The following ABCB1 variants were observed in gnomAD, a reference collection of about 807,000 sequenced individuals.
The protein encoded by ABCB1 is ATP-dependent translocase ABCB1.
In ABCB1, 69 loss-of-function variants were observed where a neutral mutation model predicts 142.0. The observed-to-expected ratio is 0.49, with a 90% CI of 0.40 to 0.59. ABCB1 has a LOEUF of 0.59. ABCB1 is among the 20% of genes least tolerant of loss of function. The pLI, the probability that ABCB1 is intolerant of heterozygous loss-of-function variation, is 0.00. For synonymous variants in ABCB1, 532 were observed against 539.2 expected, an observed-to-expected ratio of 0.99 and a Z score of 0.18; for missense variants, 1,326 against 1,554.7, an observed-to-expected ratio of 0.85 and a Z score of 2.47.
At chr7:87,660,871 C>T (rs1050816147) in intron 1 of ABCB1, among the ~76,000 whole-genome samples, 2 of 151,416 alleles carry the variant, frequency 1.3e-5, no homozygotes, top group African/African-American at 2.4e-5. Context: ...GAGATTTTAC[C>T]TTTTCATATT....
chr7:87,661,910 A>C (rs538568854), intron 1 of ABCB1, among the ~76,000 whole-genome samples: 15 of 152,044 alleles, frequency 9.9e-5, no homozygotes, highest in Admixed American at 9.8e-4. Context: ...CCTCACCAGT[A>C]TTCATTATTG....
chr7:87,708,962 C>T (rs1237379166), intron 1 of ABCB1, among the ~76,000 whole-genome samples: 3 of 152,112 alleles, frequency 2.0e-5, no homozygotes, highest in African/African-American at 4.8e-5. Context: ...ATGGATCACC[C>T]TTATCAACTG....
intron 1 of ABCB1, among the ~76,000 whole-genome samples, chr7:87,608,660 T>G (rs1038995375): frequency 2.4e-4 from 37 of 152,188 alleles, no homozygotes; most frequent in African/African-American, 8.2e-4. Flanking sequence ...ACCATTTCCC[T>G]TTTAGTTTTT....
At chr7:87,675,503 A>T (rs1242110635) in intron 1 of ABCB1, among the ~76,000 whole-genome samples, 1 of 152,116 alleles carries the variant, frequency 6.6e-6, no homozygotes, top group Non-Finnish European at 1.5e-5. Context: ...ACAAAAACAG[A>T]TACATAGACC....
intron 1 of ABCB1, among the ~76,000 whole-genome samples, chr7:87,682,508 T>C (rs568054465): frequency 6.6e-6 from 1 of 152,304 alleles, no homozygotes; most frequent in Admixed American, 6.5e-5. Flanking sequence ...GGGCTACAGA[T>C]TGGATGTTGT....
intron 1 of ABCB1, among the ~76,000 whole-genome samples, chr7:87,699,062 C>T (rs1347911636): frequency 6.6e-6 from 1 of 152,066 alleles, no homozygotes; most frequent in Admixed American, 6.6e-5. Context: ...TTTTTAAAAG[C>T]AGTCAAGTTA....
At position 87,626,487 on chromosome 7, in the gene ABCB1, T is replaced by C. The variant is rs911675150; in HGVS notation, c.-330-25409A>G. ...ATATATGTGTCATATATATGTGTCA[T>C]ATATATGTGTCATATATGTGTCATA... On this transcript the variant is annotated intron_variant, in intron 1 of 28. Coordinates refer to the ABCB1 transcript ENST00000265724. Among the ~76,000 whole-genome samples the C allele has an allele frequency of 1.8e-4, 2 of 11,350 alleles. 1 individual carries two copies. The highest frequency in any genetic ancestry group is 2.4e-4 in the Non-Finnish European group (2 of 8,308). 7.4% of individuals were successfully genotyped at this position (11,350 alleles called of 152,430 possible).
At chr7:87,649,684 T>C (rs1823379834) in intron 1 of ABCB1, among the ~76,000 whole-genome samples, 2 of 152,186 alleles carry the variant, frequency 1.3e-5, no homozygotes, top group African/African-American at 4.8e-5. Flanking sequence ...CATAAAAATT[T>C]TGGATGTTGA....
chr7:87,536,378 C>A, intron 20 of ABCB1, 80 bp downstream of exon 20: 1 of 1,245,556 alleles, frequency 8.0e-7, no homozygotes, highest in Non-Finnish European at 1.2e-6. Flanking sequence ...ATAACTAACA[C>A]CCGTAAGGAG....
intron 13 of ABCB1, 114 bp from the exon 14 acceptor site, chr7:87,549,632 G>A (rs1234765665): frequency 1.3e-6 from 2 of 1,516,436 alleles, no homozygotes; most frequent in Non-Finnish European, 1.8e-6. Context: ...TACAGGTCCA[G>A]TTCTTTAAAT....
intron 2 of ABCB1, among the ~76,000 whole-genome samples, chr7:87,596,936 T>A (rs1237819358): frequency 6.6e-6 from 1 of 152,118 alleles, no homozygotes; most frequent in East Asian, 1.9e-4. Flanking sequence ...GCCTTTTATT[T>A]ATTTTTTTGT....
intron 7 of ABCB1, chr7:87,564,125 C>T (rs1817691405): frequency 2.2e-6 from 1 of 451,322 alleles, no homozygotes; most frequent in African/African-American, 2.0e-5. Context: ...ACACAAGTTT[C>T]CTATGGAACA....
chr7:87,669,899 A>G (rs915968993), intron 1 of ABCB1, among the ~76,000 whole-genome samples: 1 of 152,072 alleles, frequency 6.6e-6, no homozygotes, highest in Non-Finnish European at 1.5e-5. Context: ...AGCTGCCTTT[A>G]AAAGTCTTTC....
intron 22 of ABCB1, 55 bp downstream of exon 22, chr7:87,520,721 A>G (rs1815463155): frequency 3.4e-6 from 5 of 1,488,400 alleles, no homozygotes; most frequent in Non-Finnish European, 4.7e-6. Context: ...CTGAAAACAA[A>G]TATGATGATT....
intron 3 of ABCB1, among the ~76,000 whole-genome samples, chr7:87,592,213 A>G (rs1003636908): frequency 6.6e-6 from 1 of 152,158 alleles, no homozygotes. Flanking sequence ...TCCAGTTGAG[A>G]GGGAAAGATG....
intron 26 of ABCB1, among the ~76,000 whole-genome samples, chr7:87,508,549 C>T (rs1465507990): frequency 6.6e-6 from 1 of 152,060 alleles, no homozygotes; most frequent in African/African-American, 2.4e-5. Context: ...TCCATTTATC[C>T]AACTTCCTAG....
At chr7:87,508,675 A>G (rs1814860752) in intron 26 of ABCB1, among the ~76,000 whole-genome samples, 1 of 152,176 alleles carries the variant, frequency 6.6e-6, no homozygotes, top group African/African-American at 2.4e-5. Context: ...GAGAGATTAC[A>G]TGATACCATG....
At chr7:87,564,171 T>C (rs1480784944) in intron 7 of ABCB1, 2 of 450,492 alleles carry the variant, frequency 4.4e-6, no homozygotes, top group South Asian at 1.6e-5. Context: ...AAAATAAAAG[T>C]TTTAAAAAGT....
intron 20 of ABCB1, among the ~76,000 whole-genome samples, chr7:87,532,250 A>T (rs975325289): frequency 2.6e-5 from 4 of 152,178 alleles, no homozygotes; most frequent in Non-Finnish European, 5.9e-5. Context: ...CCCTCAAGCC[A>T]TTCCAAATGC....
Sources: gnomAD v4.1 joint callset for allele counts (sites outside exome capture counted in the v4.1 genomes callset) on GRCh38, gnomAD v4.1.1 for gene constraint, MANE v1.5 for transcripts, NCBI Gene and HGNC (gene_info 2026-07-23, HGNC 2026-07-21) for gene names.